Variants in UNC79 observed in about 807,000 individuals in gnomAD.
The protein encoded by UNC79 is unc-79 subunit of NALCN channel complex.
Under a neutral mutation model 283.1 loss-of-function variants are expected in UNC79, and 37 were observed. That is an observed-to-expected ratio of 0.13 (90% CI 0.10 to 0.17). The LOEUF is 0.17. Among genes scored for constraint, UNC79 ranks in the 10% least tolerant of loss-of-function variants. The pLI, the probability that UNC79 is intolerant of heterozygous loss-of-function variation, is 1.00. For missense variants in UNC79, 2,272 were observed against 3,211.1 expected (o/e 0.71, Z 7.07); for synonymous variants, 1,107 against 1,200.2 (o/e 0.92, Z 1.61).
At chr14:93,431,403 G>C (rs1319987852) in intron 1 of UNC79, among the ~76,000 whole-genome samples, 1 of 151,938 alleles carries the variant, frequency 6.6e-6, no homozygotes, top group African/African-American at 2.4e-5. Flanking sequence ...GTGGGGGAAG[G>C]GGGGTAGCGG....
At chr14:93,338,799 T>C (rs113499628) in intron 1 of UNC79, among the ~76,000 whole-genome samples, 11,185 of 152,172 alleles carry the variant, frequency 0.074, 865 homozygotes, top group African/African-American at 0.19. Context: ...GTCCTAGCTA[T>C]TCAGGTGGCT....
chr14:93,595,497 C>T (rs2065012410), intron 23 of UNC79, among the ~76,000 whole-genome samples: 1 of 152,198 alleles, frequency 6.6e-6, no homozygotes, highest in Non-Finnish European at 1.5e-5. Context: ...CTGACTGCAA[C>T]TGCAGGCAGC....
chr14:93,586,710 G>A (rs2064246023), intron 21 of UNC79, 35 bp downstream of exon 21: 6 of 1,612,940 alleles, frequency 3.7e-6, no homozygotes, highest in Non-Finnish European at 5.1e-6. Flanking sequence ...ACTTGGCTTG[G>A]TAGCATTACT....
At chr14:93,572,329 C>T (rs1333668499) in intron 15 of UNC79, among the ~76,000 whole-genome samples, 1 of 152,154 alleles carries the variant, frequency 6.6e-6, no homozygotes, top group African/African-American at 2.4e-5. Context: ...CAGATGTTTA[C>T]TTATTTTGAA....
chr14:93,676,762 A>C, intron 41 of UNC79, among the ~76,000 whole-genome samples: 1 of 152,266 alleles, frequency 6.6e-6, no homozygotes, highest in Non-Finnish European at 1.5e-5. Flanking sequence ...CCAGTGCTTA[A>C]GGAAACCACA....
chr14:93,546,703 T>C (rs1228020220), intron 14 of UNC79, among the ~76,000 whole-genome samples: 10 of 152,170 alleles, frequency 6.6e-5, no homozygotes, highest in Admixed American at 5.9e-4. Context: ...CAAAAAACGA[T>C]ACAAATTATA....
intron 22 of UNC79, among the ~76,000 whole-genome samples, chr14:93,592,779 A>G (rs2064790665): frequency 6.6e-6 from 1 of 152,242 alleles, no homozygotes; most frequent in African/African-American, 2.4e-5. Context: ...AAAATATATT[A>G]TATTCAGAAT....
intron 14 of UNC79, among the ~76,000 whole-genome samples, chr14:93,545,567 A>T (rs560506757): frequency 2.2e-4 from 33 of 152,222 alleles, no homozygotes; most frequent in Middle Eastern, 3.2e-3. Flanking sequence ...AAGGCTGAGA[A>T]TTCTGTAATG....
chr14:93,617,041 G>A lies in UNC79; in HGVS notation c.4042-81G>A. ...TTGCCTGTTAAAAATTTTAACCACT[G>A]GGATGGCTCAAATTTTTCCTTTTGA... On this transcript the variant is annotated intron_variant, in intron 27 of 48. Transcript: ENST00000555664. This position sits in a 1 kb window ranked among gnomAD's most constrained non-coding sequence, Gnocchi z 4.5. The A allele has an allele frequency of 7.5e-7, 1 of 1,336,100 alleles. No individual in the cohort carries two copies. Among genetic ancestry groups the A allele is most frequent in the South Asian group, 1.6e-5 (1 of 62,966 alleles). 82.8% of individuals were successfully genotyped at this position (1,336,100 alleles called of 1,614,324 possible). A position where few individuals can be genotyped will look rare whatever the true frequency, so the allele number is the denominator to read the frequency against.
intron 38 of UNC79, 23 bp from the exon 42 acceptor site, chr14:93,659,170 C>CT (rs2071268426): frequency 2.5e-6 from 4 of 1,574,626 alleles, no homozygotes; most frequent in African/African-American, 1.4e-5. Context: ...CTAATTTTTA[C>CT]TTTTTTTCAT....
At chr14:93,337,971 C>T (rs2053616180) in intron 1 of UNC79, among the ~76,000 whole-genome samples, 1 of 152,154 alleles carries the variant, frequency 6.6e-6, no homozygotes, top group South Asian at 2.1e-4. Context: ...CTGCCCACCT[C>T]ACCCCAGCAG....
At chr14:93,654,842 A>G (rs890334867) in intron 37 of UNC79, among the ~76,000 whole-genome samples, 1 of 152,182 alleles carries the variant, frequency 6.6e-6, no homozygotes, top group Non-Finnish European at 1.5e-5. Context: ...GCACTGCTGC[A>G]GGTCAGCTCT....
At chr14:93,472,176 T>C (rs892835175) in intron 2 of UNC79, among the ~76,000 whole-genome samples, 3 of 152,184 alleles carry the variant, frequency 2.0e-5, no homozygotes, top group Admixed American at 6.5e-5. Flanking sequence ...AAATAATATC[T>C]CTGACTTATA....
intron 22 of UNC79, among the ~76,000 whole-genome samples, chr14:93,588,783 A>G (rs1379591577): frequency 6.6e-6 from 1 of 151,402 alleles, no homozygotes; most frequent in Non-Finnish European, 1.5e-5. Flanking sequence ...GAAAATCCGA[A>G]CATATTTATG....
chr14:93,605,225 GC>G (rs1446455109), intron 26 of UNC79, among the ~76,000 whole-genome samples: 1 of 152,044 alleles, frequency 6.6e-6, no homozygotes, highest in Non-Finnish European at 1.5e-5. Context: ...TCCCCAGAGA[GC>G]CAGTATGACT....
At chr14:93,660,563 A>ATATATATATATATATATATATG (rs1203621990) in intron 39 of UNC79, among the ~76,000 whole-genome samples, 3 of 64,794 alleles carry the variant, frequency 4.6e-5, no homozygotes, top group East Asian at 5.5e-4. Flanking sequence ...ATATATATAT[A>ATATATATATATATATATATATG]TGTGTGTGTG....
Position 93,532,477 on chromosome 14 carries a change from A to T in UNC79, c.1094-73A>T, listed in dbSNP as rs143228873. ...AGAGTGAGCCACTGTCTCAAAAAAT[A>T]AATTAATTAATTAAATAAAAATTAG... On this transcript the variant is annotated intron_variant, in intron 10 of 48. Transcript: ENST00000555664. The T allele has an allele frequency of 8.6e-4, 1,320 of 1,526,720 alleles. 8 individuals are homozygous for T. In the African/African-American group the frequency reaches 0.016, roughly 18 times the overall value. The allele number at this position is 1,526,720 out of a possible 1,614,324, so 94.6% of individuals were successfully genotyped here.
chr14:93,498,439 A>C (rs897471955), intron 7 of UNC79, among the ~76,000 whole-genome samples: 3 of 151,772 alleles, frequency 2.0e-5, no homozygotes, highest in Non-Finnish European at 2.9e-5. Flanking sequence ...ATACAAAAAA[A>C]TTTTAGCCGG....
intron 1 of UNC79, among the ~76,000 whole-genome samples, chr14:93,462,135 C>T (rs1486107385): frequency 1.3e-5 from 2 of 152,006 alleles, no homozygotes; most frequent in African/African-American, 4.8e-5. Context: ...GGTGAAACCC[C>T]GGCTCTACTA....
Sources: gnomAD v4.1 joint callset for allele counts (sites outside exome capture counted in the v4.1 genomes callset) on GRCh38, gnomAD v4.1.1 for gene constraint, Gnocchi (gnomAD v3.1) non-coding constraint, MANE v1.5 for transcripts, NCBI Gene and HGNC (gene_info 2026-07-23, HGNC 2026-07-21) for gene names.